The following FRMPD2 variants were observed in gnomAD, a reference collection of about 807,000 sequenced individuals.
FRMPD2 encodes the protein FERM and PDZ domain-containing protein 2.
FRMPD2 carries 96 observed loss-of-function variants against 140.1 expected under a neutral mutation model. The observed-to-expected ratio is 0.69, with a 90% CI of 0.58 to 0.81. The LOEUF (loss-of-function observed/expected upper bound fraction) is 0.81, where lower values mean the gene tolerates loss of function less well. Ranked by LOEUF, FRMPD2 falls within the 40% of genes least tolerant of loss-of-function variation. FRMPD2 has a pLI of 0.00. For missense variants in FRMPD2, 1,240 were observed against 1,447.4 expected, an observed-to-expected ratio of 0.86 and a Z score of 2.32; for synonymous variants, 449 against 547.6, an observed-to-expected ratio of 0.82 and a Z score of 2.52.
chr10:48,230,789 G>A (rs1315060863), intron 10 of FRMPD2, among the ~76,000 whole-genome samples: 2 of 152,144 alleles, frequency 1.3e-5, no homozygotes, highest in African/African-American at 2.4e-5. Flanking sequence ...GAAGAACAAA[G>A]AACAAGAACT....
intron 13 of FRMPD2, among the ~76,000 whole-genome samples, chr10:48,211,111 C>T (rs1048683358): frequency 6.6e-6 from 1 of 152,238 alleles, no homozygotes; most frequent in Non-Finnish European, 1.5e-5. Flanking sequence ...GGGTAGACCG[C>T]AGTCCTCCCC....
intron 10 of FRMPD2, among the ~76,000 whole-genome samples, chr10:48,228,124 T>G (rs775558492): frequency 7.9e-5 from 12 of 152,150 alleles, no homozygotes; most frequent in Non-Finnish European, 1.8e-4. Flanking sequence ...TTTGCTTCTG[T>G]GGTATTTTTT....
intron 28 of FRMPD2, among the ~76,000 whole-genome samples, chr10:48,161,156 C>T (rs1284526428): frequency 2.0e-5 from 3 of 150,734 alleles, no homozygotes; most frequent in Non-Finnish European, 3.0e-5. Context: ...GTACATGGAC[C>T]ATGTGGGCCC....
chr10:48,212,768 G>T (rs1298648586), intron 12 of FRMPD2, among the ~76,000 whole-genome samples: 7 of 152,120 alleles, frequency 4.6e-5, no homozygotes, highest in African/African-American at 1.7e-4. Context: ...GACTGAGGCT[G>T]CATCCCCCCA....
At chr10:48,222,243 A>G in intron 12 of FRMPD2, 70 bp downstream of exon 12, 4 of 1,514,944 alleles carry the variant, frequency 2.6e-6, no homozygotes, top group South Asian at 2.5e-5. Flanking sequence ...CCACATTACT[A>G]ACACATGCCC....
At chr10:48,263,350 A>C (rs1270194686) in intron 1 of FRMPD2, among the ~76,000 whole-genome samples, 1 of 152,234 alleles carries the variant, frequency 6.6e-6, no homozygotes, top group South Asian at 2.1e-4. Flanking sequence ...CAGAAAAACA[A>C]TAGAGAAAAT....
At chr10:48,264,571 C>T (rs1317380498) in intron 1 of FRMPD2, among the ~76,000 whole-genome samples, 1 of 151,728 alleles carries the variant, frequency 6.6e-6, no homozygotes, top group African/African-American at 2.4e-5. Flanking sequence ...TAGAAATAAA[C>T]CTAACAAAAT....
intron 1 of FRMPD2, among the ~76,000 whole-genome samples, chr10:48,267,038 G>A (rs141795647): frequency 2.3e-4 from 35 of 152,302 alleles, no homozygotes; most frequent in Non-Finnish European, 2.4e-4. Context: ...ATTTTTACCC[G>A]GAAGTAATGA....
intron 10 of FRMPD2, among the ~76,000 whole-genome samples, chr10:48,227,651 GTTATACC>G (rs1229813594): frequency 3.9e-5 from 6 of 152,144 alleles, no homozygotes; most frequent in Non-Finnish European, 8.8e-5. Context: ...AATTGAAGTG[GTTATACC>G]TTTGGATATT....
chr10:48,274,603 A>G lies in FRMPD2; in HGVS notation c.-36T>C, dbSNP rs753024866. 5.6e-6 allele frequency: 9 copies of G among 1,610,734 alleles called. No individual in the cohort carries two copies. The highest frequency in any genetic ancestry group is 7.6e-6 in the Non-Finnish European group (9 of 1,177,514). ...CCGTGACCAGGTCTAGGCCTTCATC[A>G]TGGGACAACTTTCCAACAAGGAGCA... On this transcript the variant is annotated 5_prime_UTR_variant, in exon 1 of 29. An upstream start codon of the reference 5' UTR is lost. Coordinates refer to ENST00000374201, the MANE Select transcript of FRMPD2 (RefSeq NM_001018071.4).
chr10:48,249,311 G>C, intron 2 of FRMPD2, 133 bp from the exon 3 acceptor site: 1 of 769,888 alleles, frequency 1.3e-6, no homozygotes, highest in South Asian at 2.1e-5. Flanking sequence ...GAGGAGACAT[G>C]GAACAGAATA....
chr10:48,201,357 C>T lies in FRMPD2; in HGVS notation c.1825G>A (p.Val609Ile). Residue 609 changes from valine to isoleucine, a missense_variant, in exon 15 of 29, where the codon GTC becomes ATC. Val to Ile is a conservative substitution (Grantham distance 29). This residue lies in a region of FRMPD2 where 1,161 missense variants were observed against 1,055.9 expected (regional missense o/e 1.10). Coordinates refer to ENST00000374201, the MANE Select transcript of FRMPD2 (RefSeq NM_001018071.4). ...ACAAATGTGTGCTTCTTCCCAGTGA[C>T]ACTGCTTGTGATGGTGAACTTTTTT... ...YQKKFTITSSVTGKKHTFVTD... is the reference protein window; with the variant it reads ...YQKKFTITSSITGKKHTFVTD... 1 of 1,613,740 alleles carries T rather than the reference C, an allele frequency of 6.2e-7. No homozygotes were observed. Among genetic ancestry groups the T allele is most frequent in the Non-Finnish European group, 8.5e-7 (1 of 1,179,722 alleles).
chr10:48,218,852 C>A (rs1461088961), intron 12 of FRMPD2, among the ~76,000 whole-genome samples: 1 of 152,226 alleles, frequency 6.6e-6, no homozygotes, highest in Non-Finnish European at 1.5e-5. Context: ...AAGCTTGTCA[C>A]AGGGATGCTG....
intron 9 of FRMPD2, among the ~76,000 whole-genome samples, chr10:48,234,328 A>T (rs143673215): frequency 4.6e-5 from 7 of 152,294 alleles, no homozygotes; most frequent in Non-Finnish European, 1.0e-4. Context: ...GAAAAAAGAA[A>T]ATGTTTTATA....
chr10:48,233,010 T>G (rs1481150818), intron 9 of FRMPD2, among the ~76,000 whole-genome samples: 2 of 152,204 alleles, frequency 1.3e-5, no homozygotes, highest in East Asian at 1.9e-4. Flanking sequence ...CCTCCCCATG[T>G]GGCAAACTCT....
intron 9 of FRMPD2, among the ~76,000 whole-genome samples, chr10:48,232,886 C>T (rs1025038400): frequency 4.6e-5 from 7 of 152,350 alleles, no homozygotes; most frequent in Middle Eastern, 3.4e-3. Flanking sequence ...CCCACCCAGA[C>T]CACTGTTGCC....
chr10:48,187,008 C>T (rs552752912), intron 17 of FRMPD2, among the ~76,000 whole-genome samples, 184 bp downstream of exon 17: 8 of 152,288 alleles, frequency 5.3e-5, no homozygotes, highest in Non-Finnish European at 7.4e-5. Context: ...TTCAGATCCT[C>T]ATACCCAGCC....
intron 28 of FRMPD2, among the ~76,000 whole-genome samples, chr10:48,158,189 C>T (rs1170923567): frequency 4.0e-5 from 6 of 150,876 alleles, no homozygotes; most frequent in African/African-American, 7.3e-5. Flanking sequence ...TGAGGTTCAA[C>T]CAAAGAAAAA....
chr10:48,164,252 A>T (rs1403692805), intron 27 of FRMPD2, among the ~76,000 whole-genome samples: 1 of 151,208 alleles, frequency 6.6e-6, no homozygotes, highest in Non-Finnish European at 1.5e-5. Context: ...TCTACAGCAG[A>T]ACCTGCTGGG....
Sources: allele counts gnomAD v4.1 joint callset (sites outside exome capture counted in the v4.1 genomes callset), GRCh38; gene constraint gnomAD v4.1.1; regional missense constraint gnomAD v4.1.1; transcripts MANE v1.5; gene names NCBI Gene and HGNC (gene_info 2026-07-23, HGNC 2026-07-21).